Variants in ATRX observed in about 807,000 individuals in gnomAD.
The protein encoded by ATRX is chromatin remodeler ATRX.
Under a neutral mutation model 172.6 loss-of-function variants are expected in ATRX, and 12 were observed. That is an observed-to-expected ratio of 0.07 (90% CI 0.04 to 0.11). The LOEUF (loss-of-function observed/expected upper bound fraction) is 0.11. ATRX is among the 10% of genes least tolerant of loss of function. ATRX has a pLI of 1.00. For synonymous variants in ATRX, 674 were observed against 594.7 expected, an observed-to-expected ratio of 1.13 and a Z score of -1.94; for missense variants, 1,368 against 1,767.4, an observed-to-expected ratio of 0.77 and a Z score of 4.05.
intron 25 of ATRX, chrX:77,595,325 A>T (rs1178496604): frequency 1.8e-5 from 2 of 111,578 alleles, no homozygotes; most frequent in Non-Finnish European, 3.8e-5. Flanking sequence ...ATATCTCCAG[A>T]GTGATTCTAC....
At chrX:77,564,246 A>G (rs1408090706) in intron 28 of ATRX, among the ~76,000 whole-genome samples, 1 of 111,837 alleles carries the variant, frequency 8.9e-6, no homozygotes, top group Non-Finnish European at 1.9e-5. Context: ...AATTTTAATG[A>G]AGCCCAAATT....
chrX:77,744,817 A>G (rs564110795), intron 1 of ATRX, among the ~76,000 whole-genome samples: 53 of 110,643 alleles, frequency 4.8e-4, no homozygotes, highest in South Asian at 3.1e-3. Context: ...GTGAAACCCC[A>G]TCTCTACGAA....
chrX:77,735,866 T>C (rs1340455680), intron 1 of ATRX, among the ~76,000 whole-genome samples: 47 of 107,535 alleles, frequency 4.4e-4, no homozygotes, highest in Non-Finnish European at 8.1e-4. Flanking sequence ...CAGACGGGCA[T>C]GGTGGTGGGC....
chrX:77,550,133 T>C (rs782315375), intron 30 of ATRX, among the ~76,000 whole-genome samples: 5 of 112,043 alleles, frequency 4.5e-5, no homozygotes, highest in African/African-American at 1.3e-4. Flanking sequence ...CCAATCTTCA[T>C]CTCAATTTTA....
At chrX:77,555,252 A>T (rs2064728379) in intron 30 of ATRX, among the ~76,000 whole-genome samples, 1 of 111,808 alleles carries the variant, frequency 8.9e-6, no homozygotes, top group Non-Finnish European at 1.9e-5. Flanking sequence ...ACGCTTTTAC[A>T]CTGTTGGTGG....
At chrX:77,575,335 ATG>A (rs1557069781) in intron 27 of ATRX, among the ~76,000 whole-genome samples, 2 of 110,536 alleles carry the variant, frequency 1.8e-5, no homozygotes, top group Non-Finnish European at 3.8e-5. Flanking sequence ...ATTAATGCTT[ATG>A]AAAGTCATTT....
intron 10 of ATRX, among the ~76,000 whole-genome samples, chrX:77,670,820 CA>C (rs2070526736): frequency 9.5e-6 from 1 of 105,672 alleles, no homozygotes; most frequent in Admixed American, 1.0e-4. Context: ...TATTTCAACT[CA>C]GGTTCAAAAT....
intron 1 of ATRX, among the ~76,000 whole-genome samples, chrX:77,753,880 T>C (rs2075390353): frequency 9.0e-6 from 1 of 111,390 alleles, no homozygotes; most frequent in African/African-American, 3.3e-5. Context: ...TGAGTTCACG[T>C]CCTGAATATT....
At chrX:77,538,033 G>A (rs782432834) in intron 30 of ATRX, among the ~76,000 whole-genome samples, 10 of 110,171 alleles carry the variant, frequency 9.1e-5, no homozygotes, top group South Asian at 3.9e-4. Flanking sequence ...AGGGACTGTC[G>A]GGGTGAGGGT....
intron 30 of ATRX, among the ~76,000 whole-genome samples, chrX:77,551,060 A>G (rs1602497858): frequency 8.9e-6 from 1 of 111,786 alleles, no homozygotes; most frequent in Non-Finnish European, 1.9e-5. Context: ...TTAAAGATTC[A>G]ATGCCATCCC....
intron 7 of ATRX, 44 bp from the exon 8 acceptor site, chrX:77,685,050 T>C: frequency 9.9e-7 from 1 of 1,006,800 alleles, no homozygotes; most frequent in Non-Finnish European, 1.4e-6. Context: ...TCGAAATTGA[T>C]AACATTCATA....
chrX:77,662,546 A>AT (rs1209169134), intron 12 of ATRX, among the ~76,000 whole-genome samples: 1 of 112,072 alleles, frequency 8.9e-6, no homozygotes, highest in Non-Finnish European at 1.9e-5. Context: ...GGTTAAAAAT[A>AT]TTCTTTGTGT....
intron 30 of ATRX, among the ~76,000 whole-genome samples, chrX:77,553,306 A>G (rs2064633896): frequency 9.0e-6 from 1 of 111,526 alleles, no homozygotes; most frequent in Non-Finnish European, 1.9e-5. Context: ...AACATCTCAT[A>G]TCAGGCCTGT....
chrX:77,721,173 A>T (rs2073743696), intron 1 of ATRX, among the ~76,000 whole-genome samples: 1 of 111,623 alleles, frequency 9.0e-6, no homozygotes, highest in Admixed American at 9.6e-5. Context: ...GATGAAACGT[A>T]TCTCAAAATA....
At chrX:77,585,497 A>T (rs1441160131) in intron 27 of ATRX, among the ~76,000 whole-genome samples, 1 of 97,166 alleles carries the variant, frequency 1.0e-5, no homozygotes, top group Non-Finnish European at 2.0e-5. Flanking sequence ...AATCCCTTGA[A>T]CTCAGGAGGT....
chrX:77,566,739 C>A (rs1321446787), intron 28 of ATRX, among the ~76,000 whole-genome samples: 2 of 110,832 alleles, frequency 1.8e-5, no homozygotes, highest in African/African-American at 6.6e-5. Flanking sequence ...GGTGACAGAG[C>A]AAGACCCTGC....
intron 30 of ATRX, among the ~76,000 whole-genome samples, chrX:77,548,078 A>G (rs1305514383): frequency 8.9e-6 from 1 of 111,916 alleles, no homozygotes; most frequent in Non-Finnish European, 1.9e-5. Context: ...TACTGGCACT[A>G]TTCTTATTTT....
chrX:77,759,876 T>A (rs1436435895), intron 1 of ATRX, among the ~76,000 whole-genome samples: 2 of 111,526 alleles, frequency 1.8e-5, no homozygotes, highest in Admixed American at 9.6e-5. Context: ...GGTAAAATTT[T>A]TACATTTTAT....
intron 1 of ATRX, among the ~76,000 whole-genome samples, chrX:77,776,957 C>T (rs1256959639): frequency 9.0e-6 from 1 of 110,635 alleles, no homozygotes; most frequent in Non-Finnish European, 1.9e-5. Flanking sequence ...AGACAGTAAA[C>T]ATTTTAGGCT....
Sources: gnomAD v4.1 joint callset for allele counts (sites outside exome capture counted in the v4.1 genomes callset) on GRCh38, gnomAD v4.1.1 for gene constraint, MANE v1.5 for transcripts, NCBI Gene and HGNC (gene_info 2026-07-23, HGNC 2026-07-21) for gene names.